Variants in PAX5 observed in about 807,000 individuals in gnomAD.
PAX5 encodes the protein paired box protein Pax-5.
In PAX5, 9 loss-of-function variants were observed where a neutral mutation model predicts 43.7. The ratio of observed to expected loss-of-function variants is 0.21; its 90% CI spans 0.12 to 0.36. PAX5 has a LOEUF of 0.36. Among genes scored for constraint, PAX5 ranks in the 10% least tolerant of loss-of-function variants. PAX5 has a pLI of 1.00. For missense variants in PAX5, 383 were observed against 532.7 expected (o/e 0.72, Z 2.77); for synonymous variants, 228 against 214.3 (o/e 1.06, Z -0.56).
At chr9:36,929,926 A>G (rs1157136743) in intron 6 of PAX5, among the ~76,000 whole-genome samples, 3 of 152,140 alleles carry the variant, frequency 2.0e-5, no homozygotes, top group East Asian at 1.9e-4. Context: ...GGGTTTCACC[A>G]TGTTAGTCAG....
intron 7 of PAX5, chr9:36,922,626 G>A (rs1174634164): frequency 6.6e-6 from 1 of 152,214 alleles, no homozygotes; most frequent in Non-Finnish European, 1.5e-5. Context: ...TACATGTATT[G>A]GGTGCTTACC....
In PAX5 at chr9:36,866,674, C is replaced by G. The variant is rs574513433; in HGVS notation, c.1012+15330G>C. ...TCTTTTTTATTGCTTCGGTGAGGAA[C>G]TGAGGGGGGTGGGGACAATAGGGCA... On this transcript the variant is annotated intron_variant, in intron 8 of 9. Coordinates refer to ENST00000358127, the MANE Select transcript of PAX5 (RefSeq NM_016734.3). Among the ~76,000 whole-genome samples, 7 of 152,016 alleles carry G rather than the reference C, an allele frequency of 4.6e-5. No individual in the cohort carries two copies. The South Asian group carries it at 1.5e-3, about 32-fold the overall frequency.
At chr9:37,025,250 C>G (rs532125406) in intron 1 of PAX5, among the ~76,000 whole-genome samples, 1 of 152,346 alleles carries the variant, frequency 6.6e-6, no homozygotes, top group East Asian at 1.9e-4. Context: ...TGCCCGCAGC[C>G]AGCCCTGGCT....
At chr9:36,975,857 T>C (rs1295998641) in intron 5 of PAX5, among the ~76,000 whole-genome samples, 1 of 152,214 alleles carries the variant, frequency 6.6e-6, no homozygotes, top group East Asian at 1.9e-4. Flanking sequence ...AGAATTAGTA[T>C]TTTTTTCCCC....
chr9:36,924,200 C>A (rs1033982816), intron 6 of PAX5, among the ~76,000 whole-genome samples: 1 of 152,196 alleles, frequency 6.6e-6, no homozygotes, highest in Non-Finnish European at 1.5e-5. Context: ...CCACACCAAC[C>A]ATGTGTATTT....
At chr9:36,872,075 C>T (rs939421160) in intron 8 of PAX5, among the ~76,000 whole-genome samples, 22 of 152,206 alleles carry the variant, frequency 1.4e-4, no homozygotes, top group African/African-American at 5.1e-4. Flanking sequence ...TTGCAGATTC[C>T]AGTCTGGGAG....
At chr9:36,994,659 G>A (rs1005607473) in intron 5 of PAX5, among the ~76,000 whole-genome samples, 1 of 152,194 alleles carries the variant, frequency 6.6e-6, no homozygotes, top group Non-Finnish European at 1.5e-5. Flanking sequence ...GAGCACAAGT[G>A]CCGAGAGCAA....
chr9:37,004,315 A>G (rs1303149058), intron 4 of PAX5, among the ~76,000 whole-genome samples: 1 of 152,232 alleles, frequency 6.6e-6, no homozygotes, highest in Non-Finnish European at 1.5e-5. Context: ...CTCCAGCTGT[A>G]CAGCTGAATT....
In PAX5 at chr9:37,034,180, C is replaced by G; in HGVS notation, c.-149G>C. 4.9e-6 allele frequency: 3 copies of G among 613,504 alleles called. No homozygotes were observed. Among genetic ancestry groups the G allele is most frequent in the Non-Finnish European group, 8.5e-6 (3 of 352,350 alleles). 38.0% of individuals were successfully genotyped at this position (613,504 alleles called of 1,614,324 possible). ...TAATTCAAGCCTTCCGCTCCCCCGC[C>G]GAGCTGGGGTAGCTGATCACTGAGC... On this transcript the variant is annotated 5_prime_UTR_variant, in exon 1 of 10. Transcript: ENST00000358127.
chr9:36,973,735 G>A (rs553089691), intron 5 of PAX5, among the ~76,000 whole-genome samples: 1 of 152,164 alleles, frequency 6.6e-6, no homozygotes, highest in African/African-American at 2.4e-5. Context: ...GCTGGGCATG[G>A]TGGCTCATGC....
chr9:37,011,136 A>C (rs1379846238), intron 3 of PAX5, among the ~76,000 whole-genome samples: 6 of 151,830 alleles, frequency 4.0e-5, no homozygotes, highest in African/African-American at 9.6e-5. Context: ...AACAAAAAAA[A>C]AAAAAAAAAA....
At chr9:36,955,986 C>T (rs975884477) in intron 6 of PAX5, among the ~76,000 whole-genome samples, 6 of 151,992 alleles carry the variant, frequency 3.9e-5, no homozygotes, top group Non-Finnish European at 5.9e-5. Context: ...TGTAAATAGC[C>T]GACTTCCTTA....
chr9:36,845,912 T>TAA (rs1241885155), intron 9 of PAX5, among the ~76,000 whole-genome samples: 1 of 152,230 alleles, frequency 6.6e-6, no homozygotes, highest in Non-Finnish European at 1.5e-5. Flanking sequence ...GCTGGGCAGA[T>TAA]AAACCTGGGT....
At chr9:36,979,612 T>G (rs1338593836) in intron 5 of PAX5, among the ~76,000 whole-genome samples, 2 of 152,144 alleles carry the variant, frequency 1.3e-5, no homozygotes, top group African/African-American at 4.8e-5. Flanking sequence ...ATTTTGCAGA[T>G]GAGAAAATGG....
chr9:36,889,557 C>G (rs73648165), intron 7 of PAX5, among the ~76,000 whole-genome samples: 3,386 of 152,320 alleles, frequency 0.022, 62 homozygotes, highest in East Asian at 0.08. Flanking sequence ...CACAGCTAGT[C>G]ACAAATGGAC....
Position 36,867,060 on chromosome 9 carries a change from TGG to T in PAX5, c.1012+14942_1012+14943del, listed in dbSNP as rs964982948. Among the ~76,000 whole-genome samples, 74 of 31,636 alleles carry T rather than the reference TGG, an allele frequency of 2.3e-3. 1 individual carries two copies. The highest frequency in any genetic ancestry group is 4.8e-3 in the Non-Finnish European group (59 of 12,222). The allele number at this position is 31,636 out of a possible 152,430, so 20.8% of individuals were successfully genotyped here. ...CTACAAAATGTCCTGGATGGGGTGGTGGGGGGGGGGCCTTGGTTGGTCTCCTG... is the reference window on the plus strand; with the variant it reads ...CTACAAAATGTCCTGGATGGGGTGGTGGGGGGGGCCTTGGTTGGTCTCCTG... On this transcript the variant is annotated intron_variant, in intron 8 of 9. Transcript: ENST00000358127.
chr9:37,024,811 G>T (rs1473344618), intron 1 of PAX5, among the ~76,000 whole-genome samples: 1 of 152,096 alleles, frequency 6.6e-6, no homozygotes, highest in Non-Finnish European at 1.5e-5. Context: ...CAGGTCTGAT[G>T]CTATCTCCCC....
At chr9:36,860,591 T>A (rs772582435) in intron 8 of PAX5, among the ~76,000 whole-genome samples, 4 of 152,208 alleles carry the variant, frequency 2.6e-5, no homozygotes, top group Non-Finnish European at 4.4e-5. Context: ...CTCTCTGAGA[T>A]GATCCCTGAT....
intron 6 of PAX5, among the ~76,000 whole-genome samples, chr9:36,925,515 T>C (rs1830579181): frequency 6.6e-6 from 1 of 152,018 alleles, no homozygotes; most frequent in Admixed American, 6.5e-5. Flanking sequence ...TATGGAACCG[T>C]GATATATGAA....
Sources: gnomAD v4.1 joint callset for allele counts (sites outside exome capture counted in the v4.1 genomes callset) on GRCh38, gnomAD v4.1.1 for gene constraint, MANE v1.5 for transcripts, NCBI Gene and HGNC (gene_info 2026-07-23, HGNC 2026-07-21) for gene names.